The following MCEE variants were observed in gnomAD, a reference collection of about 807,000 sequenced individuals.
MCEE encodes the protein methylmalonyl-CoA epimerase, mitochondrial.
In MCEE, 6 loss-of-function variants were observed where a neutral mutation model predicts 12.9. The ratio of observed to expected loss-of-function variants is 0.47; its 90% CI spans 0.26 to 0.92. The LOEUF is 0.92. Among genes scored for constraint, MCEE ranks in the 40% least tolerant of loss-of-function variants. MCEE has a pLI of 0.16. For missense variants in MCEE, 214 were observed against 212.1 expected, an observed-to-expected ratio of 1.01 and a Z score of -0.05; for synonymous variants, 78 against 77.9, an observed-to-expected ratio of 1.00 and a Z score of -0.01.
At chr2:71,118,113 C>T (rs1673030789) in intron 2 of MCEE, among the ~76,000 whole-genome samples, 1 of 150,194 alleles carries the variant, frequency 6.7e-6, no homozygotes, top group Non-Finnish European at 1.5e-5. Flanking sequence ...CCTCCTCACC[C>T]TGTGTGGCTC....
chr2:71,121,624 A>T (rs1673102109), intron 2 of MCEE, among the ~76,000 whole-genome samples: 1 of 151,854 alleles, frequency 6.6e-6, no homozygotes, highest in Non-Finnish European at 1.5e-5. Flanking sequence ...TAACTGAACT[A>T]AATCACATAG....
intron 1 of MCEE, among the ~76,000 whole-genome samples, chr2:71,125,211 A>ATATATATATATTTTTTT: frequency 2.1e-5 from 1 of 48,608 alleles, no homozygotes; most frequent in Non-Finnish European, 4.4e-5. Context: ...ATATATATAT[A>ATATATATATATTTTTTT]TTTTTTTTTT....
intron 2 of MCEE, among the ~76,000 whole-genome samples, chr2:71,123,787 T>C (rs1473140872): frequency 6.6e-6 from 1 of 152,178 alleles, no homozygotes; most frequent in Non-Finnish European, 1.5e-5. Context: ...TTATTAGCAT[T>C]TTAAAGAGAG....
rs528744620 is a variant in MCEE at position 71,112,722 on chromosome 2, C to T, written c.379-2600G>A. Among the ~76,000 whole-genome samples, 387 of 152,350 alleles carry T rather than the reference C, an allele frequency of 2.5e-3. 1 individual carries two copies. Among genetic ancestry groups the T allele is most frequent in the African/African-American group, 8.8e-3 (364 of 41,578 alleles). The stretch of plus-strand genomic sequence containing the variant: ...CAATGCTGGGATTACAGGCGTGAGC[C>T]ACTGTTGCCCGGCCTGGTGTAGTTT... On this transcript the variant is annotated intron_variant, in intron 2 of 2. Coordinates refer to ENST00000244217, the MANE Select transcript of MCEE (RefSeq NM_032601.4).
chr2:71,121,535 A>G (rs951187945), intron 2 of MCEE, among the ~76,000 whole-genome samples: 2 of 152,184 alleles, frequency 1.3e-5, no homozygotes, highest in Non-Finnish European at 2.9e-5. Flanking sequence ...CCTTCATTTT[A>G]TATCCAATAC....
chr2:71,126,667 T>A (rs1236061937), intron 1 of MCEE, among the ~76,000 whole-genome samples: 1 of 150,646 alleles, frequency 6.6e-6, no homozygotes, highest in Non-Finnish European at 1.5e-5. Context: ...AATAAAGGAG[T>A]TAAAAAGAGA....
At position 71,130,175 on chromosome 2, in the gene MCEE, T is replaced by A. The variant is rs755058113; in HGVS notation, c.40+5A>T. On this transcript the variant is annotated splice_donor_5th_base_variant and intron_variant, in intron 1 of 2. Transcript: ENST00000244217. ...TGGCGAAGGTCGCCGGTGCCCGGTA[T>A]TCACCTACGGCATTCGCGGCTGCAG... 1.9e-6 allele frequency: 3 copies of A among 1,609,150 alleles called. No homozygotes were observed. In the Admixed American group the frequency reaches 5.0e-5, roughly 27 times the overall value.
chr2:71,124,520 G>A lies in MCEE; in HGVS notation c.64C>T (p.Pro22Ser). Residue 22 changes from proline (P) to serine (S), a missense_variant, in exon 2 of 3, where the codon CCC (proline) becomes TCC (serine). Physicochemically the swap from Pro to Ser is moderately conservative, Grantham distance 74. Transcript: ENST00000244217. ...GAAGAAGCTCTTACTGTTGGAATGG[G>A]AGCTTGAAGTCTGGAAAAAAGCCCT... ...AVGLFSRLQAPIPTVRASSTS... is the reference protein window; with the variant it reads ...AVGLFSRLQASIPTVRASSTS... 1 of 1,613,988 alleles carries A rather than the reference G, an allele frequency of 6.2e-7. No individual in the cohort carries two copies. The highest frequency in any genetic ancestry group is 8.5e-7 in the Non-Finnish European group (1 of 1,180,036).
intron 2 of MCEE, among the ~76,000 whole-genome samples, chr2:71,120,580 G>T (rs1673080201): frequency 2.0e-5 from 3 of 150,396 alleles, no homozygotes; most frequent in African/African-American, 7.5e-5. Context: ...CCACATGTGA[G>T]AAAGGAACAT....
At chr2:71,119,250 C>T (rs558970408) in intron 2 of MCEE, among the ~76,000 whole-genome samples, 11 of 150,466 alleles carry the variant, frequency 7.3e-5, no homozygotes, top group Middle Eastern at 3.4e-3. Flanking sequence ...TGGATGGTGG[C>T]GCCTACTACA....
chr2:71,126,493 C>T (rs533326751), intron 1 of MCEE, among the ~76,000 whole-genome samples: 5 of 145,720 alleles, frequency 3.4e-5, no homozygotes, highest in East Asian at 2.1e-4. Context: ...CCCAAAGTGC[C>T]GGGATCACAG....
intron 2 of MCEE, among the ~76,000 whole-genome samples, chr2:71,111,504 C>T (rs892763024): frequency 6.6e-6 from 1 of 152,112 alleles, no homozygotes; most frequent in African/African-American, 2.4e-5. Flanking sequence ...CCCAATGTTA[C>T]GGAAATTACT....
intron 1 of MCEE, among the ~76,000 whole-genome samples, chr2:71,125,231 C>T (rs1367630693): frequency 1.9e-4 from 6 of 32,354 alleles, no homozygotes; most frequent in East Asian, 5.2e-4. Context: ...TTTTTTGAGA[C>T]GGAGTCTCAC....
chr2:71,125,261 T>G (rs1572892152), intron 1 of MCEE, among the ~76,000 whole-genome samples: 1 of 135,402 alleles, frequency 7.4e-6, no homozygotes, highest in Non-Finnish European at 1.6e-5. Flanking sequence ...CAGAATGGAG[T>G]GAAGTGGCGC....
At chr2:71,126,096 G>A (rs1462546427) in intron 1 of MCEE, among the ~76,000 whole-genome samples, 2 of 151,940 alleles carry the variant, frequency 1.3e-5, no homozygotes, top group Non-Finnish European at 2.9e-5. Flanking sequence ...GCGATCCTCC[G>A]ACCTTGGCTT....
intron 2 of MCEE, among the ~76,000 whole-genome samples, chr2:71,121,038 C>T (rs1372051431): frequency 6.6e-6 from 1 of 152,166 alleles, no homozygotes; most frequent in African/African-American, 2.4e-5. Context: ...CCAGGTGACA[C>T]ACCACTTTTT....
rs575885929 is a variant in MCEE at position 71,119,994 on chromosome 2, A to T, written c.378+4212T>A. 7.3e-5 allele frequency among the ~76,000 whole-genome samples: 11 copies of T among 149,788 alleles called. 1 individual carries two copies. Among genetic ancestry groups the T allele is most frequent in the Admixed American group, 5.9e-4 (9 of 15,202 alleles). On this transcript the variant is annotated intron_variant, in intron 2 of 2. Coordinates refer to ENST00000244217, the MANE Select transcript of MCEE (RefSeq NM_032601.4). ...CTTGAGCTCAGGAGTTCCAGGTTGC[A>T]GTGCGTAATGATTGTGCCACTGCAC...
intron 2 of MCEE, among the ~76,000 whole-genome samples, chr2:71,119,999 G>A (rs1353155789): frequency 6.7e-6 from 1 of 149,700 alleles, no homozygotes; most frequent in Non-Finnish European, 1.5e-5. Context: ...GTTGCAGTGC[G>A]TAATGATTGT....
chr2:71,110,358 T>C (rs1672862978), intron 2 of MCEE, among the ~76,000 whole-genome samples: 1 of 152,190 alleles, frequency 6.6e-6, no homozygotes, highest in Non-Finnish European at 1.5e-5. Context: ...CATTAGTAAA[T>C]GTTTCTTCTT....
Sources: gnomAD v4.1 joint callset for allele counts (sites outside exome capture counted in the v4.1 genomes callset) on GRCh38, gnomAD v4.1.1 for gene constraint, MANE v1.5 for transcripts, NCBI Gene and HGNC (gene_info 2026-07-23, HGNC 2026-07-21) for gene names.